PIWIL1: variants seen among roughly 807,000 people sequenced by gnomAD.
PIWIL1 encodes piwi like RNA-mediated gene silencing 1, also known as piwi-like protein 1.
A neutral mutation model predicts 114.4 loss-of-function variants in PIWIL1; 73 were observed. That is an observed-to-expected ratio of 0.64 (90% CI 0.53 to 0.78). The LOEUF is 0.78. Among genes scored for constraint, PIWIL1 ranks in the 30% least tolerant of loss-of-function variants. The probability of loss-of-function intolerance (pLI) is 0.00; values close to 1 mark genes in which losing one functional copy is unlikely to be tolerated. For missense variants in PIWIL1, 723 were observed against 1,063.1 expected, an observed-to-expected ratio of 0.68 and a Z score of 4.45; for synonymous variants, 375 against 369.0, an observed-to-expected ratio of 1.02 and a Z score of -0.19.
chr12:130,412,499 G>T, the PIWIL1 span: 1 of 930,286 alleles, frequency 1.1e-6, no homozygotes, highest in Non-Finnish European at 1.6e-6. Context: ...ACATTTACAT[G>T]ACTTTGGCAT....
chr12:130,363,248 T>TAGGG, intron 18 of PIWIL1, 104 bp downstream of exon 18: 4 of 1,109,612 alleles, frequency 3.6e-6, no homozygotes, highest in Non-Finnish European at 2.7e-6. Context: ...CCTAACTTGA[T>TAGGG]AGGGACTGTA....
chr12:130,382,611 G>A, the PIWIL1 span, among the ~76,000 whole-genome samples: 220 of 152,320 alleles, frequency 1.4e-3, no homozygotes, highest in African/African-American at 5.0e-3. Flanking sequence ...GATTTTCTGA[G>A]TAATAACTTT....
At chr12:130,420,734 C>T in the PIWIL1 span, among the ~76,000 whole-genome samples, 1 of 152,268 alleles carries the variant, frequency 6.6e-6, no homozygotes, top group East Asian at 1.9e-4. This position sits in a 1 kb window ranked among gnomAD's most constrained non-coding sequence, Gnocchi z 4.3. Context: ...CAACCCAGGA[C>T]AGTAGATTTA....
chr12:130,342,790 G>T, intron 2 of PIWIL1, 121 bp downstream of exon 2: 1 of 804,932 alleles, frequency 1.2e-6, no homozygotes, highest in South Asian at 1.6e-5. Context: ...GGGAGATCAT[G>T]CCCTGTTTCC....
At chr12:130,397,313 A>G in the PIWIL1 span, 20 of 398,600 alleles carry the variant, frequency 5.0e-5, no homozygotes, top group East Asian at 7.1e-4. Flanking sequence ...CCTAGTTTGG[A>G]ATTAAAGAAA....
intron 16 of PIWIL1, 122 bp downstream of exon 16, chr12:130,361,723 A>G (rs2073515142): frequency 1.4e-6 from 1 of 726,648 alleles, no homozygotes; most frequent in Non-Finnish European, 2.3e-6. Context: ...ACAGCAACGA[A>G]TTTAGGAAAG....
the PIWIL1 span, among the ~76,000 whole-genome samples, chr12:130,422,299 T>A: frequency 6.6e-6 from 1 of 152,356 alleles, no homozygotes; most frequent in African/African-American, 2.4e-5. This position sits in a 1 kb window ranked among gnomAD's most constrained non-coding sequence, Gnocchi z 5.2. Context: ...CTTTCATTTA[T>A]CTTGTGCTGT....
intron 2 of PIWIL1, 65 bp from the exon 3 acceptor site, chr12:130,342,925 A>G: frequency 8.7e-7 from 1 of 1,143,640 alleles, no homozygotes; most frequent in Non-Finnish European, 1.3e-6. Flanking sequence ...ACTTAAGACT[A>G]GAAATTTTCT....
At chr12:130,347,597 G>A (rs981156721) in intron 6 of PIWIL1, among the ~76,000 whole-genome samples, 6 of 152,200 alleles carry the variant, frequency 3.9e-5, no homozygotes, top group Non-Finnish European at 5.9e-5. Context: ...CCCTCTTTAA[G>A]TTAGTCATAA....
chr12:130,412,923 A>G, the PIWIL1 span: 2 of 831,964 alleles, frequency 2.4e-6, no homozygotes, highest in South Asian at 4.1e-5. Flanking sequence ...TCACCTGCAT[A>G]GGTCACCCAC....
the PIWIL1 span, among the ~76,000 whole-genome samples, chr12:130,419,002 A>C: frequency 6.6e-6 from 1 of 152,186 alleles, no homozygotes; most frequent in Non-Finnish European, 1.5e-5. The surrounding 1 kb of genome is among the most constrained non-coding windows in gnomAD (Gnocchi z 4.3). Flanking sequence ...TGGGTGGAGC[A>C]CTTGGAGTTG....
intron 1 of PIWIL1, among the ~76,000 whole-genome samples, chr12:130,341,015 G>C (rs2072905088): frequency 6.6e-6 from 1 of 152,168 alleles, no homozygotes; most frequent in African/African-American, 2.4e-5. Context: ...TTATCTTTCT[G>C]TGAAGATCAT....
intron 18 of PIWIL1, among the ~76,000 whole-genome samples, chr12:130,365,320 A>G (rs576551905): frequency 6.6e-6 from 1 of 152,358 alleles, no homozygotes; most frequent in South Asian, 2.1e-4. Context: ...CTTCGTTTGT[A>G]GAAGAAGGGA....
At chr12:130,373,176 T>C (rs749436760), downstream of PIWIL1, among the ~76,000 whole-genome samples, 1 of 152,220 alleles carries the variant, frequency 6.6e-6, no homozygotes, top group Non-Finnish European at 1.5e-5. Flanking sequence ...CACAGAACAG[T>C]GTGACCTTCA....
the PIWIL1 span, among the ~76,000 whole-genome samples, chr12:130,405,343 G>A: frequency 1.6e-4 from 24 of 152,134 alleles, no homozygotes; most frequent in East Asian, 1.9e-4. Flanking sequence ...ACATGCCTGC[G>A]GCTGTAGCAT....
In PIWIL1 at chr12:130,371,796, A is replaced by G; in HGVS notation, c.*198A>G. 1 of 358,296 alleles carries G rather than the reference A, an allele frequency of 2.8e-6. No homozygotes were observed. Among genetic ancestry groups the G allele is most frequent in the Non-Finnish European group, 5.0e-6 (1 of 200,702 alleles). The allele number at this position is 358,296 out of a possible 1,614,324, so 22.2% of individuals were successfully genotyped here. On this transcript the variant is annotated 3_prime_UTR_variant, in exon 21 of 21. Transcript: ENST00000245255. ...CGTAAAAATTAAGATTTTATATTTT[A>G]TCTTCTTGTTTCTCATAGATATTTT...
the PIWIL1 span, among the ~76,000 whole-genome samples, chr12:130,418,902 C>T: frequency 6.6e-6 from 1 of 152,200 alleles, no homozygotes; most frequent in Non-Finnish European, 1.5e-5. Flanking sequence ...CACAGAGCTG[C>T]CTGAGGCCAG....
chr12:130,350,065 C>A, intron 9 of PIWIL1, 98 bp downstream of exon 9: 1 of 670,338 alleles, frequency 1.5e-6, no homozygotes, highest in Non-Finnish European at 2.6e-6. Context: ...GCGTTTAAAG[C>A]TGTGTGTAAA....
chr12:130,419,356 A>T, the PIWIL1 span, among the ~76,000 whole-genome samples: 1 of 152,194 alleles, frequency 6.6e-6, no homozygotes, highest in African/African-American at 2.4e-5. The surrounding 1 kb of genome is among the most constrained non-coding windows in gnomAD (Gnocchi z 4.3). Flanking sequence ...ATCAGGGCTC[A>T]TGCCTGGACG....
Sources: allele counts gnomAD v4.1 joint callset (sites outside exome capture counted in the v4.1 genomes callset), GRCh38; gene constraint gnomAD v4.1.1; non-coding constraint Gnocchi (gnomAD v3.1); transcripts MANE v1.5; gene names NCBI Gene and HGNC (gene_info 2026-07-23, HGNC 2026-07-21).